The following TRNAU1AP variants were observed in gnomAD, a reference collection of about 807,000 sequenced individuals.
TRNAU1AP encodes tRNA selenocysteine 1 associated protein 1, also known as tRNA selenocysteine 1-associated protein 1.
TRNAU1AP carries 33 observed loss-of-function variants against 43.3 expected under a neutral mutation model. The ratio of observed to expected loss-of-function variants is 0.76; its 90% CI spans 0.58 to 1.02. The LOEUF (loss-of-function observed/expected upper bound fraction) is 1.02, where lower values mean the gene tolerates loss of function less well. TRNAU1AP is among the 50% of genes least tolerant of loss of function. The probability of loss-of-function intolerance (pLI) is 0.00; values close to 1 mark genes in which losing one functional copy is unlikely to be tolerated. For missense variants in TRNAU1AP, 290 were observed against 362.7 expected, an observed-to-expected ratio of 0.80 and a Z score of 1.63; for synonymous variants, 143 against 129.1, an observed-to-expected ratio of 1.11 and a Z score of -0.73.
At chr1:28,564,108 TA>T (rs1665481926) in intron 4 of TRNAU1AP, among the ~76,000 whole-genome samples, 1 of 152,034 alleles carries the variant, frequency 6.6e-6, no homozygotes, top group Non-Finnish European at 1.5e-5. Context: ...CTGCTAAAAA[TA>T]CAAAAGATTA....
At chr1:28,560,239 A>G (rs1395631635) in intron 2 of TRNAU1AP, among the ~76,000 whole-genome samples, 3 of 151,360 alleles carry the variant, frequency 2.0e-5, no homozygotes, top group Non-Finnish European at 2.9e-5. Context: ...GATTAGAAAA[A>G]CATTTCTTTC....
intron 6 of TRNAU1AP, among the ~76,000 whole-genome samples, chr1:28,567,712 C>A (rs1665572091): frequency 6.6e-6 from 1 of 152,160 alleles, no homozygotes; most frequent in African/African-American, 2.4e-5. Flanking sequence ...TGTCCCTGTT[C>A]TTTGCCCAGT....
rs189551373 is a variant in TRNAU1AP, at chr1:28,559,164, C to T, written c.126-1469C>T. On this transcript the variant is annotated intron_variant, in intron 2 of 8. Coordinates refer to ENST00000373830, the MANE Select transcript of TRNAU1AP (RefSeq NM_017846.5). ...TCGGCTCACTGCAGCCTCTGCCTCC[C>T]GGGTTCAAGCAATTCTCCTGCCTCA... Among the ~76,000 whole-genome samples, 406 of 151,490 alleles carry T rather than the reference C, an allele frequency of 2.7e-3. 2 individuals are homozygous for T. Among genetic ancestry groups the T allele is most frequent in the African/African-American group, 9.1e-3 (376 of 41,320 alleles).
At chr1:28,573,036 C>CT (rs534588648) in intron 8 of TRNAU1AP, among the ~76,000 whole-genome samples, 37,284 of 133,690 alleles carry the variant, frequency 0.28, 5,729 homozygotes, top group African/African-American at 0.35. Context: ...TTTTCTTTTT[C>CT]TTTTTTTTTT....
At chr1:28,563,135 C>T (rs577848076) in intron 4 of TRNAU1AP, among the ~76,000 whole-genome samples, 126 of 151,852 alleles carry the variant, frequency 8.3e-4, no homozygotes, top group Middle Eastern at 3.4e-3. Context: ...ACCTTGTGAT[C>T]CACCTGCTTC....
At chr1:28,558,097 C>T in intron 2 of TRNAU1AP, among the ~76,000 whole-genome samples, 1 of 134,362 alleles carries the variant, frequency 7.4e-6, no homozygotes. Flanking sequence ...TTAGTAGAGA[C>T]AGGGTTTCAC....
At position 28,578,425 on chromosome 1, in the gene TRNAU1AP, AATCTCCAAAG is replaced by A. The variant is rs1251892303; in HGVS notation, c.*795_*804del. The A allele has an allele frequency of 8.7e-6, 2 of 229,028 alleles. No homozygotes were observed. Among genetic ancestry groups the A allele is most frequent in the African/African-American group, 4.6e-5 (2 of 43,424 alleles). 14.2% of individuals were successfully genotyped at this position (229,028 alleles called of 1,614,324 possible). On this transcript the variant is annotated 3_prime_UTR_variant, in exon 9 of 9. Transcript: ENST00000373830. ...AAAGCATTCATCCTACATCATAAAA[AATCTCCAAAG>A]ATCTCTTTAAGGGCTGGGCATGGTG...
chr1:28,571,151 AT>A (rs761058115), intron 6 of TRNAU1AP, 24 bp from the exon 7 acceptor site: 14 of 1,612,156 alleles, frequency 8.7e-6, no homozygotes, highest in Non-Finnish European at 1.0e-5. Flanking sequence ...GCTTACACTT[AT>A]TTTTGTTTCT....
At chr1:28,571,066 A>AG in intron 6 of TRNAU1AP, 110 bp from the exon 7 acceptor site, 1 of 1,084,720 alleles carries the variant, frequency 9.2e-7, no homozygotes, top group Non-Finnish European at 1.3e-6. Context: ...CTCTGTCTCA[A>AG]GAAAAAAAAA....
intron 1 of TRNAU1AP, 94 bp downstream of exon 1, chr1:28,553,231 C>A: frequency 7.6e-7 from 1 of 1,313,652 alleles, no homozygotes; most frequent in South Asian, 1.6e-5. Flanking sequence ...CTTGGGATCC[C>A]AGAAAGGGGA....
chr1:28,569,337 A>G (rs1037086361), intron 6 of TRNAU1AP, among the ~76,000 whole-genome samples: 2 of 152,094 alleles, frequency 1.3e-5, no homozygotes, highest in African/African-American at 2.4e-5. Flanking sequence ...CAAGGTTACA[A>G]TGAGCTATGA....
intron 7 of TRNAU1AP, 33 bp from the exon 8 acceptor site, chr1:28,571,834 T>C (rs112583305): frequency 3.2e-6 from 5 of 1,567,792 alleles, no homozygotes; most frequent in African/African-American, 2.9e-5. Context: ...GATTTCACCA[T>C]GCCCCTAACC....
intron 7 of TRNAU1AP, 133 bp downstream of exon 7, chr1:28,571,471 G>C: frequency 1.1e-6 from 1 of 886,434 alleles, no homozygotes; most frequent in East Asian, 2.6e-5. Context: ...AAGCAGTCCA[G>C]TTCCTCTTGT....
chr1:28,555,323 G>A (rs1456330116), intron 2 of TRNAU1AP, among the ~76,000 whole-genome samples: 1 of 152,054 alleles, frequency 6.6e-6, no homozygotes, highest in African/African-American at 2.4e-5. Flanking sequence ...CCCTGCTCAT[G>A]GAGTTTACTA....
rs745996888 is a variant in TRNAU1AP, at chr1:28,564,771, TC to T, written c.348del (p.Phe116LeufsTer27). On this transcript the variant is annotated frameshift_variant, in exon 5 of 9. Transcript: ENST00000373830. LOFTEE classifies it high-confidence loss of function. Reference protein sequence around the residue: ...DVDDGMLYEFFVKVYPSCRGG... With the variant: ...DVDDGMLYEFXVKVYPSCRGG... Reference sequence around the variant, plus strand: ...GATGATGGCATGCTGTATGAATTCTTCGTCAAAGTCTACCCCTCCTGTCGGG... The same window carrying T: ...GATGATGGCATGCTGTATGAATTCTTGTCAAAGTCTACCCCTCCTGTCGGG... 6.2e-7 allele frequency: 1 copy of T among 1,614,094 alleles called. No homozygotes were observed. Among genetic ancestry groups the T allele is most frequent in the African/African-American group, 1.3e-5 (1 of 74,932 alleles).
intron 2 of TRNAU1AP, among the ~76,000 whole-genome samples, chr1:28,554,967 G>C (rs908328833): frequency 6.6e-6 from 1 of 151,816 alleles, no homozygotes; most frequent in African/African-American, 2.4e-5. Flanking sequence ...GGATGGGTGC[G>C]GTGCCTCATG....
chr1:28,567,163 T>A (rs1229499362), intron 5 of TRNAU1AP, 131 bp from the exon 6 acceptor site: 2 of 941,418 alleles, frequency 2.1e-6, no homozygotes, highest in Non-Finnish European at 3.2e-6. Flanking sequence ...TAATGGACTC[T>A]CTCTTTCTCT....
Position 28,578,511 on chromosome 1 carries a change from C to T in TRNAU1AP, c.*875C>T. 3.2e-6 allele frequency: 1 copy of T among 312,566 alleles called. No individual in the cohort carries two copies. The highest frequency in any genetic ancestry group is 2.2e-5 in the African/African-American group (1 of 45,494). 19.4% of individuals were successfully genotyped at this position (312,566 alleles called of 1,614,324 possible). ...GAGCTCGGGAAGAGACCAGTTCGGTCTCTACAAAAAAATACAAACACAAAT... is the reference window on the plus strand; with the variant it reads ...GAGCTCGGGAAGAGACCAGTTCGGTTTCTACAAAAAAATACAAACACAAAT... On this transcript the variant is annotated 3_prime_UTR_variant, in exon 9 of 9. Coordinates refer to ENST00000373830, the MANE Select transcript of TRNAU1AP (RefSeq NM_017846.5).
intron 2 of TRNAU1AP, among the ~76,000 whole-genome samples, chr1:28,556,865 A>G (rs1222417983): frequency 6.6e-5 from 10 of 151,968 alleles, no homozygotes; most frequent in Non-Finnish European, 1.0e-4. Flanking sequence ...CTGTATTTTT[A>G]GTAGAGATGG....
Sources: gnomAD v4.1 joint callset for allele counts (sites outside exome capture counted in the v4.1 genomes callset) on GRCh38, gnomAD v4.1.1 for gene constraint, MANE v1.5 for transcripts, NCBI Gene and HGNC (gene_info 2026-07-23, HGNC 2026-07-21) for gene names.